CCDC148: variants seen among roughly 807,000 people sequenced by gnomAD.
The protein encoded by CCDC148 is coiled-coil domain containing 148.
In CCDC148, 89 loss-of-function variants were observed where a neutral mutation model predicts 85.7. That is an observed-to-expected ratio of 1.04 (90% CI 0.87 to 1.24). The LOEUF (loss-of-function observed/expected upper bound fraction) is 1.24, where lower values mean the gene tolerates loss of function less well. CCDC148 is among the 50% of genes most tolerant of loss of function. The pLI is 0.00. For missense variants in CCDC148, 692 were observed against 671.7 expected (o/e 1.03, Z -0.33); for synonymous variants, 230 against 213.9 (o/e 1.08, Z -0.66).
At chr2:158,222,745 T>C (rs974134771) in intron 10 of CCDC148, among the ~76,000 whole-genome samples, 2 of 152,162 alleles carry the variant, frequency 1.3e-5, no homozygotes, top group East Asian at 1.9e-4. Context: ...TAACACCACA[T>C]GGATATATCA....
intron 13 of CCDC148, 48 bp from the exon 14 acceptor site, chr2:158,172,307 T>TG: frequency 1.4e-6 from 2 of 1,387,094 alleles, no homozygotes; most frequent in Non-Finnish European, 2.0e-6. Context: ...TGAACTAAAA[T>TG]AACTTTTAAC....
At chr2:158,305,813 G>A (rs547407962) in intron 9 of CCDC148, among the ~76,000 whole-genome samples, 12 of 146,906 alleles carry the variant, frequency 8.2e-5, no homozygotes, top group African/African-American at 2.8e-4. Context: ...GGCTCACCAG[G>A]AAGCCTAAAG....
At chr2:158,172,842 T>C (rs540578657) in intron 13 of CCDC148, among the ~76,000 whole-genome samples, 6 of 152,186 alleles carry the variant, frequency 3.9e-5, no homozygotes, top group Admixed American at 6.6e-5. Context: ...TATAGCTGAT[T>C]GGATCTTATT....
At chr2:158,200,050 C>T (rs560720663) in intron 11 of CCDC148, among the ~76,000 whole-genome samples, 1 of 152,106 alleles carries the variant, frequency 6.6e-6, no homozygotes, top group Admixed American at 6.6e-5. Context: ...ATGGCAGGGA[C>T]AGGATAAAGG....
intron 9 of CCDC148, among the ~76,000 whole-genome samples, chr2:158,264,408 C>T (rs1256238770): frequency 6.6e-6 from 1 of 152,000 alleles, no homozygotes; most frequent in African/African-American, 2.4e-5. Context: ...GGGAAAAAAT[C>T]ATAAAAGAAA....
At chr2:158,441,351 A>G (rs1347401569) in intron 1 of CCDC148, among the ~76,000 whole-genome samples, 1 of 152,230 alleles carries the variant, frequency 6.6e-6, no homozygotes, top group Non-Finnish European at 1.5e-5. Flanking sequence ...TGCAAGATAG[A>G]AAATCAAGAT....
intron 1 of CCDC148, among the ~76,000 whole-genome samples, chr2:158,439,716 T>C (rs1574826161): frequency 6.6e-6 from 1 of 152,206 alleles, no homozygotes; most frequent in South Asian, 2.1e-4. Context: ...GGTAGACTAT[T>C]TGATCATATG....
At chr2:158,401,249 C>T (rs929745912) in intron 1 of CCDC148, among the ~76,000 whole-genome samples, 2 of 152,098 alleles carry the variant, frequency 1.3e-5, no homozygotes, top group Non-Finnish European at 2.9e-5. Context: ...GACACGTGCA[C>T]ACGTATGTTA....
chr2:158,280,783 C>G (rs1372508406), intron 9 of CCDC148, among the ~76,000 whole-genome samples: 26 of 152,146 alleles, frequency 1.7e-4, no homozygotes, highest in African/African-American at 2.7e-4. Flanking sequence ...GGACCTAATA[C>G]ACATCTACAG....
chr2:158,181,759 G>A (rs1448456825), intron 11 of CCDC148, among the ~76,000 whole-genome samples: 1 of 152,058 alleles, frequency 6.6e-6, no homozygotes, highest in Non-Finnish European at 1.5e-5. Flanking sequence ...AGCAAAATAA[G>A]GTGCAGAGGG....
At chr2:158,253,121 T>C (rs1404368337) in intron 9 of CCDC148, among the ~76,000 whole-genome samples, 1 of 151,722 alleles carries the variant, frequency 6.6e-6, no homozygotes, top group Non-Finnish European at 1.5e-5. Flanking sequence ...GCGGATGAAT[T>C]TTTATTTATG....
At position 158,426,354 on chromosome 2, in the gene CCDC148, G is replaced by A. The variant is rs139462916; in HGVS notation, c.25+30061C>T. Among the ~76,000 whole-genome samples the A allele has an allele frequency of 7.9e-5, 12 of 152,166 alleles. No homozygotes were observed. In the East Asian group the frequency reaches 1.4e-3, roughly 17 times the overall value. On this transcript the variant is annotated intron_variant, in intron 1 of 13. Transcript: ENST00000283233. Reference sequence around the variant, plus strand: ...TGTATTACAGTTAACTGCAAATGCCGTGTGAGTTTAGAAAAAGTCATGATA... The same window carrying A: ...TGTATTACAGTTAACTGCAAATGCCATGTGAGTTTAGAAAAAGTCATGATA...
At chr2:158,389,516 A>G (rs965943317) in intron 1 of CCDC148, among the ~76,000 whole-genome samples, 14 of 152,326 alleles carry the variant, frequency 9.2e-5, no homozygotes, top group African/African-American at 3.1e-4. Context: ...GGGCCAGATA[A>G]TTATTCTTTC....
At chr2:158,391,184 G>C (rs915269542) in intron 1 of CCDC148, among the ~76,000 whole-genome samples, 1 of 152,140 alleles carries the variant, frequency 6.6e-6, no homozygotes, top group African/African-American at 2.4e-5. Flanking sequence ...TTGTGATGAT[G>C]AACCGTGAAT....
intron 2 of CCDC148, among the ~76,000 whole-genome samples, chr2:158,353,353 A>G (rs1683430238): frequency 6.7e-6 from 1 of 150,278 alleles, no homozygotes; most frequent in African/African-American, 2.5e-5. Flanking sequence ...AGACACACAC[A>G]TAGGCTGAAA....
chr2:158,439,937 T>C (rs1375776017), intron 1 of CCDC148, among the ~76,000 whole-genome samples: 1 of 152,178 alleles, frequency 6.6e-6, no homozygotes, highest in Non-Finnish European at 1.5e-5. Flanking sequence ...TATGGCTCAA[T>C]GTAGCCTCCA....
intron 9 of CCDC148, among the ~76,000 whole-genome samples, chr2:158,280,422 A>G (rs556180837): frequency 1.1e-4 from 16 of 152,290 alleles, no homozygotes; most frequent in African/African-American, 3.6e-4. Context: ...AAATAAAGGG[A>G]TGGAGGAAGA....
intron 3 of CCDC148, among the ~76,000 whole-genome samples, chr2:158,342,073 G>A (rs546362097): frequency 4.5e-5 from 6 of 132,230 alleles, no homozygotes; most frequent in African/African-American, 8.9e-5. Context: ...TGGGTCGCCC[G>A]GGCTGAAGTG....
At chr2:158,373,277 G>A (rs888725076) in intron 1 of CCDC148, among the ~76,000 whole-genome samples, 2 of 151,964 alleles carry the variant, frequency 1.3e-5, no homozygotes, top group Non-Finnish European at 2.9e-5. Context: ...TTCTCCCCTA[G>A]AGGCTCCAAA....
Sources: gnomAD v4.1 joint callset for allele counts (sites outside exome capture counted in the v4.1 genomes callset) on GRCh38, gnomAD v4.1.1 for gene constraint, MANE v1.5 for transcripts, NCBI Gene and HGNC (gene_info 2026-07-23, HGNC 2026-07-21) for gene names.